The following CCDC144A variants were observed in gnomAD, a reference collection of about 807,000 sequenced individuals.
The protein encoded by CCDC144A is coiled-coil domain-containing protein 144A.
A neutral mutation model predicts 143.8 loss-of-function variants in CCDC144A; 41 were observed. The ratio of observed to expected loss-of-function variants is 0.29; its 90% confidence interval spans 0.22 to 0.37. The LOEUF is 0.37. Ranked by LOEUF, CCDC144A falls within the 10% of genes least tolerant of loss-of-function variation. The probability of loss-of-function intolerance (pLI) is 1.00; values close to 1 mark genes in which losing one functional copy is unlikely to be tolerated. For synonymous variants in CCDC144A, 242 were observed against 517.9 expected (o/e 0.47, Z 7.23); for missense variants, 637 against 1,488.8 (o/e 0.43, Z 9.41).
At chr17:16,711,161 A>AAAAAAAAAAAAAAAAAAAAAAAT (rs1191359914) in intron 5 of CCDC144A, among the ~76,000 whole-genome samples, 1 of 145,938 alleles carries the variant, frequency 6.9e-6, no homozygotes, top group Non-Finnish European at 1.5e-5. Flanking sequence ...AAAAAAAACA[A>AAAAAAAAAAAAAAAAAAAAAAAT]AAGTTAGTGG....
At chr17:16,771,346 T>C (rs1915817412) in intron 15 of CCDC144A, among the ~76,000 whole-genome samples, 1 of 152,256 alleles carries the variant, frequency 6.6e-6, no homozygotes, top group African/African-American at 2.4e-5. Flanking sequence ...CTAACCTGTA[T>C]TTATCCTTGT....
chr17:16,667,242 GGGCTGAGGC>G, the CCDC144A span: 277 of 234,850 alleles, frequency 1.2e-3, 1 homozygote, highest in African/African-American at 5.5e-3. Context: ...AGAGGCTGAG[GGGCTGAGGC>G]GGCTGAGGCG....
chr17:16,755,110 A>G (rs1248135507), intron 12 of CCDC144A, among the ~76,000 whole-genome samples: 1 of 152,142 alleles, frequency 6.6e-6, no homozygotes, highest in African/African-American at 2.4e-5. Context: ...TTTCACTTGC[A>G]GTCTATGTGT....
At chr17:16,753,675 G>A (rs550853243) in intron 12 of CCDC144A, among the ~76,000 whole-genome samples, 46 of 152,182 alleles carry the variant, frequency 3.0e-4, no homozygotes, top group African/African-American at 7.7e-4. Flanking sequence ...TTTTGGTGGC[G>A]TGTTTATGGT....
At chr17:16,685,679 A>G (rs1255232205), upstream of CCDC144A, among the ~76,000 whole-genome samples, 1 of 151,624 alleles carries the variant, frequency 6.6e-6, no homozygotes, top group African/African-American at 2.4e-5. Flanking sequence ...AGTTTTAAAT[A>G]GGACAAATGA....
chr17:16,670,806 G>C, the CCDC144A span, among the ~76,000 whole-genome samples: 2 of 151,912 alleles, frequency 1.3e-5, 1 homozygote, highest in Non-Finnish European at 2.9e-5. Context: ...ACCATCCCCC[G>C]CCCTCTATAA....
the CCDC144A span, among the ~76,000 whole-genome samples, chr17:16,670,985 T>C: frequency 1.3e-5 from 2 of 151,940 alleles, no homozygotes; most frequent in African/African-American, 4.8e-5. Flanking sequence ...AAAATATTTA[T>C]ATTATCACTT....
chr17:16,747,902 C>G (rs184728051), intron 12 of CCDC144A, among the ~76,000 whole-genome samples: 4 of 152,150 alleles, frequency 2.6e-5, no homozygotes, highest in East Asian at 1.9e-4. Context: ...TTTTTGGATG[C>G]CTTTTCTTTC....
At chr17:16,692,694 A>C (rs1911159498) in intron 1 of CCDC144A, among the ~76,000 whole-genome samples, 1 of 151,852 alleles carries the variant, frequency 6.6e-6, no homozygotes, top group Admixed American at 6.6e-5. Flanking sequence ...CTTGTCAGAG[A>C]ATAAATAGCT....
At chr17:16,746,053 A>G in intron 12 of CCDC144A, 2 of 1,610,458 alleles carry the variant, frequency 1.2e-6, no homozygotes, top group Non-Finnish European at 1.7e-6. Context: ...CCGCTGTGTG[A>G]CGTCTCCTGG....
chr17:16,724,841 C>T (rs1663669842), intron 8 of CCDC144A, among the ~76,000 whole-genome samples: 2 of 78,748 alleles, frequency 2.5e-5, no homozygotes, highest in East Asian at 4.3e-4. Flanking sequence ...TTAGTAGAGA[C>T]GGGGTTTCAC....
intron 6 of CCDC144A, among the ~76,000 whole-genome samples, chr17:16,716,794 G>A (rs1189316618): frequency 6.6e-6 from 1 of 150,558 alleles, no homozygotes; most frequent in Non-Finnish European, 1.5e-5. Context: ...CATTGCCTGT[G>A]TGCAGTGGAT....
chr17:16,770,439 G>A (rs1171487554), intron 15 of CCDC144A, among the ~76,000 whole-genome samples: 1 of 152,342 alleles, frequency 6.6e-6, no homozygotes, highest in East Asian at 1.9e-4. Flanking sequence ...GTGAGCCACC[G>A]TGCCCAGCCT....
At chr17:16,686,460 T>C (rs1356185722), upstream of CCDC144A, among the ~76,000 whole-genome samples, 2 of 152,060 alleles carry the variant, frequency 1.3e-5, no homozygotes, top group Non-Finnish European at 2.9e-5. Context: ...CCATTTTTTT[T>C]GTTGCCAGTG....
intron 16 of CCDC144A, 86 bp downstream of exon 16, chr17:16,772,105 G>A (rs1192406329): frequency 1.1e-5 from 9 of 834,990 alleles, no homozygotes; most frequent in Non-Finnish European, 1.7e-5. Flanking sequence ...TTCCGTTCTT[G>A]GGCTAGTAGA....
chr17:16,753,434 T>TGTTGTTGTTGTTGTTG (rs1307923345), intron 12 of CCDC144A, among the ~76,000 whole-genome samples: 3,420 of 118,216 alleles, frequency 0.029, 125 homozygotes, highest in African/African-American at 0.11. Flanking sequence ...TGTAGTTTTT[T>TGTTGTTGTTGTTGTTG]TTTTTTTTTT....
chr17:16,675,566 A>G, the CCDC144A span, among the ~76,000 whole-genome samples: 2 of 151,996 alleles, frequency 1.3e-5, 1 homozygote, highest in Admixed American at 1.3e-4. Flanking sequence ...TCTCTTGACC[A>G]ATCTATTTTC....
chr17:16,776,377 T>C lies in CCDC144A; in HGVS notation c.*2744T>C, dbSNP rs1420199007. 6.6e-6 allele frequency: 1 copy of C among 152,214 alleles called. No individual in the cohort carries two copies. The highest frequency in any genetic ancestry group is 2.4e-5 in the African/African-American group (1 of 41,440). The allele number at this position is 152,214 out of a possible 1,614,324, so 9.4% of individuals were successfully genotyped here. A position where few individuals can be genotyped will look rare whatever the true frequency, so the allele number is the denominator to read the frequency against. ...TTGTTTGTGTCATCTCTGATTTCTT[T>C]GAATAATGGTTTATAGTTATCCTTG... On this transcript the variant is annotated 3_prime_UTR_variant, in exon 17 of 17. Transcript: ENST00000399273.
chr17:16,753,061 T>C (rs1311825102), intron 12 of CCDC144A, among the ~76,000 whole-genome samples: 1 of 125,030 alleles, frequency 8.0e-6, no homozygotes, highest in Non-Finnish European at 1.7e-5. Context: ...CCTTCCTTAG[T>C]TTCTGGATTG....
Sources: allele counts gnomAD v4.1 joint callset (sites outside exome capture counted in the v4.1 genomes callset), GRCh38; gene constraint gnomAD v4.1.1; transcripts MANE v1.5; gene names NCBI Gene and HGNC (gene_info 2026-07-23, HGNC 2026-07-21).